SPMIP8: variants seen among roughly 807,000 people sequenced by gnomAD.
The protein encoded by SPMIP8 is sperm microtubule inner protein 8.
chr16:57,985,429 G>C, the SPMIP8 span: 1 of 1,613,170 alleles, frequency 6.2e-7, no homozygotes, highest in Non-Finnish European at 8.5e-7. Flanking sequence ...GCGTGGGCAG[G>C]GCGTCCGTGC....
chr16:57,985,407 GC>G, the SPMIP8 span: 1 of 1,611,648 alleles, frequency 6.2e-7, no homozygotes, highest in Middle Eastern at 1.7e-4. Context: ...CTAGCAGGAA[GC>G]CCTGTGTGGG....
the SPMIP8 span, among the ~76,000 whole-genome samples, chr16:57,981,481 A>ATC: frequency 1.8e-3 from 243 of 134,154 alleles, no homozygotes; most frequent in African/African-American, 6.1e-3. Context: ...TAGTCTTGTA[A>ATC]TCTCTCTCTC....
the SPMIP8 span, chr16:57,985,135 C>A: frequency 1.4e-6 from 2 of 1,380,970 alleles, no homozygotes; most frequent in Non-Finnish European, 9.4e-7. Context: ...GTGGGCGGGG[C>A]TTAGATGAGG....
At chr16:57,977,964 C>T in the SPMIP8 span, 20 of 1,614,164 alleles carry the variant, frequency 1.2e-5, no homozygotes, top group South Asian at 5.5e-5. Flanking sequence ...GCCCACCCTG[C>T]GCCACATGGA....
chr16:57,984,515 C>G, the SPMIP8 span: 6 of 1,501,820 alleles, frequency 4.0e-6, no homozygotes, highest in Non-Finnish European at 5.4e-6. Flanking sequence ...CGACTTCGGG[C>G]GCCCCCTCGG....
At chr16:57,977,908 G>A in the SPMIP8 span, 108 of 1,614,100 alleles carry the variant, frequency 6.7e-5, 1 homozygote, top group South Asian at 8.9e-4. Context: ...GAGCGGCAGC[G>A]CAACCAGCTG....
At chr16:57,981,963 G>A in the SPMIP8 span, among the ~76,000 whole-genome samples, 8 of 152,108 alleles carry the variant, frequency 5.3e-5, no homozygotes, top group Admixed American at 1.3e-4. Context: ...AGGGGGGTCC[G>A]CTCAGTCAAT....
the SPMIP8 span, chr16:57,984,603 G>GC: frequency 6.6e-7 from 1 of 1,519,114 alleles, no homozygotes; most frequent in Non-Finnish European, 8.8e-7. Context: ...TGCGGCTACG[G>GC]CCGCGCGGGC....
chr16:57,976,593 T>G, the SPMIP8 span: 1 of 1,614,178 alleles, frequency 6.2e-7, no homozygotes, highest in Admixed American at 1.7e-5. Context: ...TATAAGCCTG[T>G]GCACCTGGGC....
the SPMIP8 span, chr16:57,986,209 A>T: frequency 3.9e-5 from 16 of 405,246 alleles, no homozygotes; most frequent in Non-Finnish European, 6.1e-5. Context: ...TAGGGCGAGG[A>T]TGTTAACTAG....
At chr16:57,982,005 G>A in the SPMIP8 span, among the ~76,000 whole-genome samples, 4 of 152,110 alleles carry the variant, frequency 2.6e-5, no homozygotes, top group Admixed American at 2.0e-4. Context: ...TTTATTTTTA[G>A]TTTACATGAT....
the SPMIP8 span, among the ~76,000 whole-genome samples, chr16:57,980,623 G>T: frequency 3.3e-5 from 5 of 152,110 alleles, no homozygotes; most frequent in Non-Finnish European, 5.9e-5. Context: ...TCAAGTCCAG[G>T]GCTAGAGAAA....
the SPMIP8 span, chr16:57,985,088 C>T: frequency 2.6e-5 from 30 of 1,143,212 alleles, no homozygotes; most frequent in Non-Finnish European, 3.4e-5. Context: ...TCTCCGTACA[C>T]GTGTGGGTGG....
At chr16:57,979,196 C>G in the SPMIP8 span, among the ~76,000 whole-genome samples, 1 of 152,162 alleles carries the variant, frequency 6.6e-6, no homozygotes, top group Non-Finnish European at 1.5e-5. Context: ...GCAGGCGGGG[C>G]AGGGTAGGAG....
At chr16:57,984,884 G>T in the SPMIP8 span, 13 of 1,484,118 alleles carry the variant, frequency 8.8e-6, no homozygotes, top group Non-Finnish European at 1.2e-5. Context: ...GTGGACTGCG[G>T]ACGGGAACGC....
At chr16:57,980,780 G>A in the SPMIP8 span, among the ~76,000 whole-genome samples, 1 of 151,964 alleles carries the variant, frequency 6.6e-6, no homozygotes, top group Middle Eastern at 3.2e-3. Context: ...TTACAGCCTC[G>A]ACCTCCCAGG....
chr16:57,986,246 A>C, the SPMIP8 span: 2 of 338,724 alleles, frequency 5.9e-6, no homozygotes, highest in Non-Finnish European at 5.3e-6. Context: ...CAAATAAGAA[A>C]CACAAGGGAG....
the SPMIP8 span, among the ~76,000 whole-genome samples, chr16:57,977,560 A>AGTGTGTGTGTGTGT: frequency 0.013 from 1,776 of 132,634 alleles, 32 homozygotes; most frequent in African/African-American, 0.03. Context: ...GCACAATGTG[A>AGTGTGTGTGTGTGT]GTGTGTGTGT....
chr16:57,987,520 C>A, the SPMIP8 span: 3 of 1,398,484 alleles, frequency 2.1e-6, no homozygotes, highest in African/African-American at 2.9e-5. Flanking sequence ...CAGCCATCTC[C>A]CCAGGAGTTC....
Sources: gnomAD v4.1 joint callset for allele counts (sites outside exome capture counted in the v4.1 genomes callset) on GRCh38, gnomAD v4.1.1 for gene constraint, MANE v1.5 for transcripts, NCBI Gene and HGNC (gene_info 2026-07-23, HGNC 2026-07-21) for gene names.